Variants in CDYL observed in about 807,000 individuals in gnomAD.
CDYL encodes the protein chromodomain Y like, also known as chromodomain Y-like protein.
Under a neutral mutation model 47.3 loss-of-function variants are expected in CDYL, and 8 were observed. The observed-to-expected ratio is 0.17, with a 90% CI of 0.10 to 0.31. CDYL has a LOEUF of 0.31. CDYL is among the 10% of genes least tolerant of loss of function. The probability of loss-of-function intolerance (pLI) is 1.00; values close to 1 mark genes in which losing one functional copy is unlikely to be tolerated. For missense variants in CDYL, 471 were observed against 701.4 expected (o/e 0.67, Z 3.71); for synonymous variants, 266 against 265.0 (o/e 1.00, Z -0.04).
chr6:4,888,680 G>T (rs372870300), intron 1 of CDYL, among the ~76,000 whole-genome samples: 14 of 151,606 alleles, frequency 9.2e-5, no homozygotes, highest in African/African-American at 3.4e-4. Flanking sequence ...TTCCTTTTTT[G>T]CCAGTGTCCT....
chr6:4,897,035 A>G (rs948565021), intron 2 of CDYL, among the ~76,000 whole-genome samples: 4 of 152,214 alleles, frequency 2.6e-5, no homozygotes, highest in Non-Finnish European at 5.9e-5. Flanking sequence ...AAATTCTAAA[A>G]TTTAGGTGAT....
intron 2 of CDYL, among the ~76,000 whole-genome samples, chr6:4,922,229 A>G (rs1757737443): frequency 6.6e-6 from 1 of 152,116 alleles, no homozygotes; most frequent in African/African-American, 2.4e-5. Context: ...GGGTCCACAG[A>G]TGCTGGTTGC....
At chr6:4,762,662 A>AT (rs1340606163) in intron 3 of CDYL, among the ~76,000 whole-genome samples, 21 of 151,162 alleles carry the variant, frequency 1.4e-4, no homozygotes, top group Non-Finnish European at 2.8e-4. Context: ...AAAAAAAAAA[A>AT]AAAAAAAGGT....
At chr6:4,849,960 C>G (rs895096505) in intron 1 of CDYL, among the ~76,000 whole-genome samples, 1 of 152,020 alleles carries the variant, frequency 6.6e-6, no homozygotes, top group Admixed American at 6.6e-5. Context: ...GGGGGCAGTT[C>G]CAGCCCTACC....
intron 1 of CDYL, among the ~76,000 whole-genome samples, chr6:4,792,551 C>T (rs1758955412): frequency 6.6e-6 from 1 of 151,860 alleles, no homozygotes; most frequent in Non-Finnish European, 1.5e-5. Flanking sequence ...CTGCCTCAGC[C>T]TCCTGAGTAA....
At chr6:4,943,882 A>AT in intron 5 of CDYL, 126 bp downstream of exon 5, 1 of 710,934 alleles carries the variant, frequency 1.4e-6, no homozygotes, top group Non-Finnish European at 2.2e-6. Context: ...CCATCTTGTA[A>AT]TTCAGATTTG....
chr6:4,836,527 C>T (rs1295902467), intron 1 of CDYL, among the ~76,000 whole-genome samples: 2 of 152,166 alleles, frequency 1.3e-5, no homozygotes, highest in Non-Finnish European at 2.9e-5. Context: ...TCTCACCAGC[C>T]TCTCCCCTCT....
chr6:4,745,808 C>T (rs1228837205), intron 3 of CDYL, among the ~76,000 whole-genome samples: 1 of 152,062 alleles, frequency 6.6e-6, no homozygotes, highest in Non-Finnish European at 1.5e-5. Flanking sequence ...AAGCTGAGGC[C>T]TGGGAGGATA....
At chr6:4,878,576 A>G (rs1761679424) in intron 1 of CDYL, among the ~76,000 whole-genome samples, 1 of 151,828 alleles carries the variant, frequency 6.6e-6, no homozygotes, top group Non-Finnish European at 1.5e-5. Context: ...ATTTATTGGT[A>G]TAATGTTTTT....
At chr6:4,867,113 A>T (rs1243123393) in intron 1 of CDYL, among the ~76,000 whole-genome samples, 1 of 152,126 alleles carries the variant, frequency 6.6e-6, no homozygotes, top group East Asian at 1.9e-4. Flanking sequence ...TTTTTTGTTC[A>T]TTTGTTTTAA....
chr6:4,734,978 C>A, intron 3 of CDYL: 1 of 1,412,494 alleles, frequency 7.1e-7, no homozygotes, highest in South Asian at 1.5e-5. Flanking sequence ...TCTGGTGAAG[C>A]TGTGGACTCC....
chr6:4,946,000 G>A (rs969569447), intron 5 of CDYL, among the ~76,000 whole-genome samples: 1 of 152,248 alleles, frequency 6.6e-6, no homozygotes, highest in Admixed American at 6.5e-5. Context: ...AGCCGTCAGC[G>A]TGCTGCCCAG....
chr6:4,774,645 A>AAC (rs2127426587), upstream of CDYL: 1 of 152,378 alleles, frequency 6.6e-6, no homozygotes, highest in East Asian at 1.9e-4. Context: ...TTCATTGAAC[A>AAC]ACACCTTATT....
chr6:4,864,828 T>A (rs1414857203), intron 1 of CDYL, among the ~76,000 whole-genome samples: 1 of 151,678 alleles, frequency 6.6e-6, no homozygotes, highest in Non-Finnish European at 1.5e-5. Context: ...GTTTCAGGTA[T>A]GTCTTTATCA....
intron 1 of CDYL, among the ~76,000 whole-genome samples, chr6:4,779,133 G>T (rs1253643988): frequency 1.3e-5 from 2 of 152,182 alleles, no homozygotes; most frequent in South Asian, 2.1e-4. Flanking sequence ...TTTCATAAAG[G>T]CAGTATTATC....
chr6:4,808,787 C>G (rs1407956624), intron 1 of CDYL, among the ~76,000 whole-genome samples: 1 of 152,178 alleles, frequency 6.6e-6, no homozygotes, highest in Non-Finnish European at 1.5e-5. Flanking sequence ...GTGTCCCAGT[C>G]AAAATACTGT....
intron 1 of CDYL, among the ~76,000 whole-genome samples, chr6:4,708,684 T>C (rs548650206): frequency 1.3e-5 from 2 of 152,352 alleles, no homozygotes; most frequent in South Asian, 2.1e-4. Flanking sequence ...TATATGCATA[T>C]TTAAAGCAAT....
chr6:4,951,879 G>A (rs372615042), intron 5 of CDYL, among the ~76,000 whole-genome samples: 16 of 152,264 alleles, frequency 1.1e-4, no homozygotes, highest in African/African-American at 3.9e-4. Context: ...GAGCTCACAC[G>A]TGGGAAGGGC....
rs1561837453 is a variant in CDYL, at chr6:4,754,934, T to TA, written c.186+20091dup. Among the ~76,000 whole-genome samples, 4 of 152,332 alleles carry TA rather than the reference T, an allele frequency of 2.6e-5. No homozygotes were observed. In the East Asian group the frequency reaches 7.7e-4, roughly 29 times the overall value. On this transcript the variant is annotated intron_variant, in intron 3 of 8. Coordinates refer to the CDYL transcript ENST00000328908. ...TGAAATATTTGGAAATGTGTCTGCT[T>TA]ACTTCTTTTTTGAAATGACCCCTTT...
Sources: allele counts gnomAD v4.1 joint callset (sites outside exome capture counted in the v4.1 genomes callset), GRCh38; gene constraint gnomAD v4.1.1; transcripts MANE v1.5; gene names NCBI Gene and HGNC (gene_info 2026-07-23, HGNC 2026-07-21).